Variants in ITSN1 observed in about 807,000 individuals in gnomAD.
The protein encoded by ITSN1 is intersectin 1.
A neutral mutation model predicts 239.8 loss-of-function variants in ITSN1; 58 were observed. That is an observed-to-expected ratio of 0.24 (90% CI 0.20 to 0.30). ITSN1 has a LOEUF of 0.30. Among genes scored for constraint, ITSN1 ranks in the 10% least tolerant of loss-of-function variants. ITSN1 has a pLI of 1.00. For synonymous variants in ITSN1, 780 were observed against 770.8 expected (o/e 1.01, Z -0.20); for missense variants, 1,558 against 2,103.3 (o/e 0.74, Z 5.07).
chr21:33,823,695 G>A (rs774042279), intron 25 of ITSN1, 42 bp downstream of exon 25: 5 of 1,570,488 alleles, frequency 3.2e-6, no homozygotes, highest in Non-Finnish European at 4.3e-6. Context: ...TCTGTGCGGT[G>A]ATTCTCTTTG....
intron 1 of ITSN1, among the ~76,000 whole-genome samples, chr21:33,682,552 G>GC (rs879364677): frequency 9.9e-5 from 15 of 151,016 alleles, no homozygotes; most frequent in Non-Finnish European, 1.9e-4. Flanking sequence ...TTGAGATGGA[G>GC]CCTCTCTCTG....
intron 22 of ITSN1, among the ~76,000 whole-genome samples, chr21:33,815,888 AAAG>A (rs869242182): frequency 4.6e-5 from 2 of 43,860 alleles, no homozygotes; most frequent in African/African-American, 8.9e-5. Flanking sequence ...GGGATCCGAC[AAAG>A]AAGAATGAAG....
rs188185833 is a variant in ITSN1, at chr21:33,899,320, A to G, written c.*11020A>G. ...TTGTGCTTCCAGTGACAAGCGGGCCACAGTGCTGGTGGCATGTTGCTTCCC... is the reference window on the plus strand; with the variant it reads ...TTGTGCTTCCAGTGACAAGCGGGCCGCAGTGCTGGTGGCATGTTGCTTCCC... On this transcript the variant is annotated 3_prime_UTR_variant, in exon 40 of 40. Transcript: ENST00000381318. The G allele has an allele frequency of 1.1e-4, 16 of 152,362 alleles. No homozygotes were observed. Among genetic ancestry groups the G allele is most frequent in the Admixed American group, 2.6e-4 (4 of 15,302 alleles). 9.4% of individuals were successfully genotyped at this position (152,362 alleles called of 1,614,324 possible).
chr21:33,871,141 CAAA>C (rs1327000809), intron 33 of ITSN1, among the ~76,000 whole-genome samples: 4 of 139,012 alleles, frequency 2.9e-5, no homozygotes, highest in Non-Finnish European at 6.3e-5. Flanking sequence ...AAAAAAAAAA[CAAA>C]AAACAAAAAC....
chr21:33,827,378 CGATA>C (rs1310717178), intron 26 of ITSN1, among the ~76,000 whole-genome samples: 1 of 151,374 alleles, frequency 6.6e-6, no homozygotes, highest in Non-Finnish European at 1.5e-5. Context: ...CCAGCCTGGG[CGATA>C]GAACAAGACT....
At position 33,652,044 on chromosome 21, in the gene ITSN1, C is replaced by T. The variant is rs546641616; in HGVS notation, c.-33+9331C>T. Among the ~76,000 whole-genome samples, 18 of 152,288 alleles carry T rather than the reference C, an allele frequency of 1.2e-4. No individual in the cohort carries two copies. The East Asian group carries it at 2.5e-3, about 21-fold the overall frequency. ...TGGAAACATATATAAGGAAAGAAGA[C>T]TAAAAGCCTACCAAGATCTTACCAT... is the stretch of plus-strand genomic sequence containing the variant. On this transcript the variant is annotated intron_variant, in intron 1 of 39. Transcript: ENST00000381318.
At chr21:33,777,874 C>T (rs911795278) in intron 14 of ITSN1, among the ~76,000 whole-genome samples, 74 of 152,114 alleles carry the variant, frequency 4.9e-4, no homozygotes, top group African/African-American at 1.4e-3. Context: ...TGTTCCCTCT[C>T]GATGAAGGAA....
intron 29 of ITSN1, among the ~76,000 whole-genome samples, chr21:33,839,373 AG>A (rs369577265): frequency 2.0e-4 from 30 of 152,024 alleles, no homozygotes; most frequent in African/African-American, 7.2e-4. Flanking sequence ...GAGAACCTTC[AG>A]GGGGTGGGGC....
At chr21:33,753,935 C>G (rs2067742402) in intron 7 of ITSN1, among the ~76,000 whole-genome samples, 1 of 152,204 alleles carries the variant, frequency 6.6e-6, no homozygotes, top group South Asian at 2.1e-4. Flanking sequence ...TATGTTGTCA[C>G]CTTTTTAATA....
chr21:33,652,620 C>T (rs1213154646), intron 1 of ITSN1, among the ~76,000 whole-genome samples: 1 of 152,124 alleles, frequency 6.6e-6, no homozygotes, highest in East Asian at 1.9e-4. Flanking sequence ...GATGCATTCC[C>T]CCTATCATGT....
chr21:33,898,645 G>C lies in ITSN1; in HGVS notation c.*10345G>C, dbSNP rs1315320498. 6.6e-6 allele frequency: 1 copy of C among 152,260 alleles called. No homozygotes were observed. Among genetic ancestry groups the C allele is most frequent in the South Asian group, 2.1e-4 (1 of 4,830 alleles). The allele number at this position is 152,260 out of a possible 1,614,324, so 9.4% of individuals were successfully genotyped here. A position where few individuals can be genotyped will look rare whatever the true frequency, so the allele number is the denominator to read the frequency against. ...AATACTGCAGTAACAAAAAGAGCTG[G>C]TTTCTGGTGATCTGAATGCATTGTG... is the stretch of plus-strand genomic sequence containing the variant. On this transcript the variant is annotated 3_prime_UTR_variant, in exon 40 of 40. Transcript: ENST00000381318.
chr21:33,853,302 C>T (rs1214826834), intron 29 of ITSN1, among the ~76,000 whole-genome samples: 1 of 152,230 alleles, frequency 6.6e-6, no homozygotes, highest in Non-Finnish European at 1.5e-5. Context: ...TTCCCCTGAC[C>T]TCCAAGCTCC....
intron 31 of ITSN1, among the ~76,000 whole-genome samples, chr21:33,864,552 T>C (rs1981228143): frequency 6.6e-6 from 1 of 152,204 alleles, no homozygotes; most frequent in Non-Finnish European, 1.5e-5. Context: ...CATTGGCCCA[T>C]TATCATAGTA....
chr21:33,875,913 C>T (rs545133412), intron 34 of ITSN1, among the ~76,000 whole-genome samples: 2 of 152,352 alleles, frequency 1.3e-5, no homozygotes, highest in South Asian at 2.1e-4. Flanking sequence ...CTCCTGGCCT[C>T]AGGTGATCTG....
intron 1 of ITSN1, among the ~76,000 whole-genome samples, chr21:33,695,878 C>T (rs2091772056): frequency 6.6e-6 from 1 of 152,182 alleles, no homozygotes; most frequent in Non-Finnish European, 1.5e-5. Flanking sequence ...TTCTCCCTTT[C>T]CTCAGGCTTG....
At chr21:33,659,752 A>G (rs1601484660) in intron 1 of ITSN1, among the ~76,000 whole-genome samples, 1 of 119,102 alleles carries the variant, frequency 8.4e-6, no homozygotes, top group African/African-American at 3.3e-5. Context: ...TTGCTGTGTC[A>G]CCCAGGCTGG....
rs1037401095 is a variant in ITSN1, at chr21:33,817,083, A to G, written c.2728-1184A>G. 3 of 1,008,226 alleles carry G rather than the reference A, an allele frequency of 3.0e-6. No homozygotes were observed. In the African/African-American group the frequency reaches 5.1e-5, roughly 17 times the overall value. The allele number at this position is 1,008,226 out of a possible 1,614,324, so 62.5% of individuals were successfully genotyped here. A position where few individuals can be genotyped will look rare whatever the true frequency, so the allele number is the denominator to read the frequency against. ...GCATGTACAAATTGGTTCTGAAGTAACTCTCTCTAGGCATTATCTTTTGTT... is the reference window on the plus strand; with the variant it reads ...GCATGTACAAATTGGTTCTGAAGTAGCTCTCTCTAGGCATTATCTTTTGTT... On this transcript the variant is annotated intron_variant, in intron 22 of 39. Coordinates refer to ENST00000381318, the MANE Select transcript of ITSN1 (RefSeq NM_003024.3).
chr21:33,867,211 A>C (rs776898018), intron 32 of ITSN1, 22 bp from the exon 33 acceptor site: 1 of 1,493,548 alleles, frequency 6.7e-7, no homozygotes. Flanking sequence ...TCTTAAGTAC[A>C]TTTAAAAACA....
chr21:33,696,264 G>A (rs749942681), intron 1 of ITSN1, among the ~76,000 whole-genome samples: 2 of 152,144 alleles, frequency 1.3e-5, no homozygotes, highest in African/African-American at 2.4e-5. Flanking sequence ...CAGCATCTAT[G>A]TGTGGATCAG....
Sources: allele counts gnomAD v4.1 joint callset (sites outside exome capture counted in the v4.1 genomes callset), GRCh38; gene constraint gnomAD v4.1.1; transcripts MANE v1.5; gene names NCBI Gene and HGNC (gene_info 2026-07-23, HGNC 2026-07-21).